The following MYH13 variants were observed in gnomAD, a reference collection of about 807,000 sequenced individuals.
MYH13 encodes the protein myosin-13.
In MYH13, 177 loss-of-function variants were observed where a neutral mutation model predicts 232.1. The ratio of observed to expected loss-of-function variants is 0.76; its 90% confidence interval spans 0.67 to 0.86. The LOEUF is 0.86. Ranked by LOEUF, MYH13 falls within the 40% of genes least tolerant of loss-of-function variation. The probability of loss-of-function intolerance (pLI) is 0.00; values close to 1 mark genes in which losing one functional copy is unlikely to be tolerated. For synonymous variants in MYH13, 884 were observed against 923.5 expected (o/e 0.96, Z 0.78); for missense variants, 2,246 against 2,405.9 (o/e 0.93, Z 1.39).
intron 3 of MYH13, among the ~76,000 whole-genome samples, chr17:10,363,657 A>G (rs1012626455): frequency 6.6e-6 from 1 of 152,180 alleles, no homozygotes; most frequent in Admixed American, 6.5e-5. Context: ...AGGTTCTGAA[A>G]ATGTGACATA....
chr17:10,343,938 C>T lies in MYH13; in HGVS notation c.1756G>A (p.Gly586Ser), dbSNP rs754289824. ...EAHFSLVHYA[G>S]TVDYNIAGWL... ...CCGGCGATGTTGTAGTCCACGGTGC[C>T]GGCATAGTGCACCAGCGAGAAGTGA... Residue 586 changes from glycine to serine, a missense_variant, in exon 16 of 41, where the codon GGC (glycine) becomes AGC (serine). Coordinates refer to ENST00000252172, the MANE Select transcript of MYH13 (RefSeq NM_003802.3). The T allele has an allele frequency of 3.9e-5, 63 of 1,614,056 alleles. No homozygotes were observed. The highest frequency in any genetic ancestry group is 4.6e-5 in the Non-Finnish European group (54 of 1,180,038).
At chr17:10,312,904 A>AGG in intron 30 of MYH13, 147 bp from the exon 31 acceptor site, 1 of 1,136,624 alleles carries the variant, frequency 8.8e-7, no homozygotes. Context: ...GGGAGGATCC[A>AGG]AGTGTCACCG....
Position 10,307,025 on chromosome 17 carries a change from C to T in MYH13, c.5209G>A (p.Asp1737Asn). 6.2e-7 allele frequency: 1 copy of T among 1,614,004 alleles called. No individual in the cohort carries two copies. The highest frequency in any genetic ancestry group is 8.5e-7 in the Non-Finnish European group (1 of 1,179,898). Residue 1737 changes from aspartate to asparagine, a missense_variant, in exon 36 of 41, where the codon GAC (aspartate) becomes AAC (asparagine). Coordinates refer to ENST00000252172, the MANE Select transcript of MYH13 (RefSeq NM_003802.3). ...ACCTCTGCCTGGCACTGAGCTATGT[C>T]AGCCTCCAGTTTTTTCTTGGTATTT... ...LINTKKKLEADIAQCQAEVEN... is the reference protein window; with the variant it reads ...LINTKKKLEANIAQCQAEVEN...
intron 30 of MYH13, 142 bp downstream of exon 30, chr17:10,313,016 C>G (rs997891044): frequency 7.2e-6 from 10 of 1,386,708 alleles, no homozygotes; most frequent in African/African-American, 1.4e-5. Flanking sequence ...AGGGAGACCC[C>G]CAGAGGGTGG....
chr17:10,361,971 T>C (rs2142274748), intron 5 of MYH13, 147 bp downstream of exon 5: 4 of 1,468,108 alleles, frequency 2.7e-6, no homozygotes, highest in Non-Finnish European at 2.8e-6. Flanking sequence ...ATGGAAGATG[T>C]TGTACCCTTT....
chr17:10,369,069 G>C (rs957738487), intron 2 of MYH13, among the ~76,000 whole-genome samples: 1 of 152,002 alleles, frequency 6.6e-6, no homozygotes, highest in African/African-American at 2.4e-5. Context: ...ATAATTTTAG[G>C]CAAATATTTC....
intron 2 of MYH13, among the ~76,000 whole-genome samples, chr17:10,366,796 T>C (rs961900139): frequency 8.5e-5 from 13 of 152,260 alleles, no homozygotes; most frequent in Admixed American, 7.2e-4. Context: ...GCTCTCTTTA[T>C]TGGTAACTGG....
intron 15 of MYH13, among the ~76,000 whole-genome samples, chr17:10,344,819 T>C (rs1020467448): frequency 4.6e-5 from 4 of 87,086 alleles, no homozygotes; most frequent in African/African-American, 2.4e-4. Flanking sequence ...AGACTCCGTC[T>C]CAAAAAAAAA....
chr17:10,330,587 G>A, intron 20 of MYH13, 64 bp from the exon 21 acceptor site: 1 of 1,545,784 alleles, frequency 6.5e-7, no homozygotes, highest in Non-Finnish European at 8.7e-7. Flanking sequence ...GGGCCCTTGA[G>A]GGGGCCTGTT....
At chr17:10,356,294 C>A (rs768470461) in intron 8 of MYH13, among the ~76,000 whole-genome samples, 1 of 152,062 alleles carries the variant, frequency 6.6e-6, no homozygotes, top group African/African-American at 2.4e-5. Flanking sequence ...AGCGGCTTAA[C>A]AGAAGACAAT....
intron 10 of MYH13, 40 bp from the exon 11 acceptor site, chr17:10,354,823 C>A: frequency 6.4e-7 from 1 of 1,574,454 alleles, no homozygotes; most frequent in Non-Finnish European, 8.6e-7. Context: ...TTATGCATAA[C>A]TTACTCTGGG....
chr17:10,344,204 G>A (rs780980607), intron 15 of MYH13, 95 bp from the exon 16 acceptor site: 16 of 1,507,628 alleles, frequency 1.1e-5, no homozygotes, highest in Non-Finnish European at 1.4e-5. Context: ...CTTTCACTCT[G>A]GTACCAGGAA....
At chr17:10,301,736 A>C in intron 39 of MYH13, 33 bp from the exon 40 acceptor site, 1 of 1,609,102 alleles carries the variant, frequency 6.2e-7, no homozygotes, top group Non-Finnish European at 8.5e-7. Context: ...ATGACGCTGT[A>C]GAGCCTCTCA....
chr17:10,312,539 T>C (rs976836126), intron 31 of MYH13, 35 bp downstream of exon 31: 1 of 1,589,424 alleles, frequency 6.3e-7, no homozygotes, highest in Non-Finnish European at 8.6e-7. Flanking sequence ...ATTATCCTCA[T>C]GCCATCTTCA....
chr17:10,330,783 C>A (rs568992666), intron 20 of MYH13, among the ~76,000 whole-genome samples: 1 of 151,660 alleles, frequency 6.6e-6, no homozygotes, highest in Non-Finnish European at 1.5e-5. Context: ...TTTGGGAGGC[C>A]GAGGCAGGTG....
intron 31 of MYH13, 76 bp downstream of exon 31, chr17:10,312,498 T>A (rs1007478305): frequency 7.4e-6 from 11 of 1,480,230 alleles, no homozygotes; most frequent in Non-Finnish European, 1.0e-5. Flanking sequence ...AATTCAGGTA[T>A]TTTCATGTAA....
chr17:10,340,495 T>C, intron 16 of MYH13, 94 bp from the exon 17 acceptor site: 1 of 945,528 alleles, frequency 1.1e-6, no homozygotes, highest in Non-Finnish European at 1.6e-6. Context: ...GAGTTCTGGT[T>C]TCCTTTTGAC....
rs374778991 is a variant in MYH13 at position 10,355,081 on chromosome 17, C to T, written c.802+3G>A. 4.4e-6 allele frequency: 7 copies of T among 1,603,438 alleles called. No homozygotes were observed. The Admixed American group carries it at 6.9e-5, about 16-fold the overall frequency. On this transcript the variant is annotated splice_donor_region_variant and intron_variant, in intron 9 of 40. Coordinates refer to ENST00000252172, the MANE Select transcript of MYH13 (RefSeq NM_003802.3). ...AACGGATTTATAGAGTGTTTGGACT[C>T]ACAAGTTTCGATGTCTGCCGATGCC... is the stretch of plus-strand genomic sequence containing the variant.
chr17:10,346,571 G>GA (rs34168540), intron 13 of MYH13, 109 bp downstream of exon 13: 661,483 of 815,324 alleles, frequency 0.81, 270,493 homozygotes, highest in East Asian at 0.86. Flanking sequence ...CTCTTAATGT[G>GA]AAAGCTGATT....
Sources: allele counts gnomAD v4.1 joint callset (sites outside exome capture counted in the v4.1 genomes callset), GRCh38; gene constraint gnomAD v4.1.1; transcripts MANE v1.5; gene names NCBI Gene and HGNC (gene_info 2026-07-23, HGNC 2026-07-21).